MAP4K5: variants seen among roughly 807,000 people sequenced by gnomAD.
MAP4K5 encodes the protein mitogen-activated protein kinase kinase kinase kinase 5.
In MAP4K5, 82 loss-of-function variants were observed where a neutral mutation model predicts 135.6. The ratio of observed to expected loss-of-function variants is 0.60; its 90% CI spans 0.51 to 0.73. The LOEUF is 0.73. MAP4K5 is among the 30% of genes least tolerant of loss of function. The pLI, the probability that MAP4K5 is intolerant of heterozygous loss-of-function variation, is 0.00. For synonymous variants in MAP4K5, 347 were observed against 335.0 expected (o/e 1.04, Z -0.39); for missense variants, 907 against 1,010.9 (o/e 0.90, Z 1.39).
At chr14:50,543,287 A>G (rs1309381175) in intron 1 of MAP4K5, among the ~76,000 whole-genome samples, 2 of 152,254 alleles carry the variant, frequency 1.3e-5, no homozygotes, top group African/African-American at 4.8e-5. Flanking sequence ...AGATCCCAGT[A>G]TGATACTGTT....
chr14:50,480,554 G>A (rs761606846), intron 6 of MAP4K5, among the ~76,000 whole-genome samples: 6 of 152,058 alleles, frequency 3.9e-5, no homozygotes, highest in Non-Finnish European at 8.8e-5. Context: ...AAGAACATGT[G>A]ATGTTTGTCT....
At chr14:50,455,261 T>C (rs547246126) in intron 14 of MAP4K5, among the ~76,000 whole-genome samples, 16 of 151,680 alleles carry the variant, frequency 1.1e-4, no homozygotes, top group African/African-American at 2.9e-4. Context: ...GAAGAAACAA[T>C]AGGAAAATTA....
chr14:50,464,993 C>T (rs1348717932), intron 11 of MAP4K5, among the ~76,000 whole-genome samples: 3 of 152,164 alleles, frequency 2.0e-5, no homozygotes, highest in East Asian at 3.8e-4. Context: ...GCCGTAAAAC[C>T]GTTCAGTTCC....
At chr14:50,510,145 G>T (rs540731362) in intron 2 of MAP4K5, among the ~76,000 whole-genome samples, 1 of 152,098 alleles carries the variant, frequency 6.6e-6, no homozygotes, top group Admixed American at 6.5e-5. Context: ...TTACTTTGAG[G>T]AACCAAAAGA....
chr14:50,545,954 C>T (rs765962675), intron 1 of MAP4K5, among the ~76,000 whole-genome samples: 1 of 152,166 alleles, frequency 6.6e-6, no homozygotes, highest in African/African-American at 2.4e-5. Flanking sequence ...CTGAAGCTCT[C>T]TATTTCTCTC....
intron 2 of MAP4K5, among the ~76,000 whole-genome samples, chr14:50,509,154 T>A (rs1305049899): frequency 6.6e-6 from 1 of 151,580 alleles, no homozygotes; most frequent in Non-Finnish European, 1.5e-5. Flanking sequence ...ACACCACATA[T>A]TCTCACTCAT....
intron 2 of MAP4K5, among the ~76,000 whole-genome samples, chr14:50,509,252 G>A (rs535644844): frequency 6.6e-5 from 10 of 152,090 alleles, no homozygotes; most frequent in Middle Eastern, 3.4e-3. Context: ...GGCAGGGGGA[G>A]GGATAGCATT....
intron 28 of MAP4K5, among the ~76,000 whole-genome samples, chr14:50,434,172 G>GA (rs1391439403): frequency 6.6e-6 from 1 of 152,106 alleles, no homozygotes; most frequent in Admixed American, 6.6e-5. Flanking sequence ...TCACTGTCAG[G>GA]AATCATTAAA....
At position 50,418,727 on chromosome 14, in the gene MAP4K5, T is replaced by C. The variant is rs2035658846; in HGVS notation, c.*1292A>G. The C allele has an allele frequency of 6.6e-6, 1 of 152,280 alleles. No homozygotes were observed. Among genetic ancestry groups the C allele is most frequent in the Admixed American group, 6.5e-5 (1 of 15,280 alleles). The allele number at this position is 152,280 out of a possible 1,614,324, so 9.4% of individuals were successfully genotyped here. ...ATACTGAATGAGATACTTATACTGT[T>C]TTCCTCTTAAGTAATTAGTCAAAAT... On this transcript the variant is annotated 3_prime_UTR_variant, in exon 33 of 33. Coordinates refer to ENST00000682126, the MANE Select transcript of MAP4K5 (RefSeq NM_006575.6).
At chr14:50,470,632 T>C (rs957845666) in intron 9 of MAP4K5, among the ~76,000 whole-genome samples, 1 of 138,954 alleles carries the variant, frequency 7.2e-6, no homozygotes, top group Non-Finnish European at 1.5e-5. Context: ...AGTTCCTGTT[T>C]CACATATTTT....
At chr14:50,467,062 G>T (rs2036849381) in intron 10 of MAP4K5, among the ~76,000 whole-genome samples, 1 of 152,012 alleles carries the variant, frequency 6.6e-6, no homozygotes, top group Non-Finnish European at 1.5e-5. Context: ...TGGGTGTATA[G>T]GCAAATTATA....
chr14:50,522,261 A>G (rs1324759749), intron 2 of MAP4K5, among the ~76,000 whole-genome samples: 1 of 152,030 alleles, frequency 6.6e-6, no homozygotes, highest in Non-Finnish European at 1.5e-5. Flanking sequence ...TGGGGACTAC[A>G]CTAGTGATGC....
chr14:50,465,002 C>A (rs568481409), intron 11 of MAP4K5, among the ~76,000 whole-genome samples: 24 of 152,296 alleles, frequency 1.6e-4, no homozygotes, highest in African/African-American at 4.8e-4. Flanking sequence ...CCGTTCAGTT[C>A]CAGATGTCTA....
intron 3 of MAP4K5, among the ~76,000 whole-genome samples, chr14:50,495,215 C>T (rs1018983403): frequency 4.6e-5 from 7 of 152,084 alleles, no homozygotes; most frequent in Admixed American, 2.6e-4. Context: ...AGAACTCCTA[C>T]GACTCACAAG....
At chr14:50,516,412 A>T (rs2038034540) in intron 2 of MAP4K5, among the ~76,000 whole-genome samples, 1 of 152,222 alleles carries the variant, frequency 6.6e-6, no homozygotes, top group African/African-American at 2.4e-5. Flanking sequence ...CTGCTTAACA[A>T]GAGCTAACCT....
At chr14:50,532,301 G>A (rs1043837562) in intron 1 of MAP4K5, 143 bp from the exon 2 acceptor site, 4 of 430,348 alleles carry the variant, frequency 9.3e-6, no homozygotes, top group Non-Finnish European at 1.6e-5. Context: ...CCGGCGCCCC[G>A]TATCCCCGTT....
At chr14:50,462,543 C>T (rs1177744078) in intron 13 of MAP4K5, 122 bp downstream of exon 13, 10 of 672,366 alleles carry the variant, frequency 1.5e-5, no homozygotes, top group South Asian at 1.2e-4. Context: ...TTATTAATCT[C>T]TGTAGCTAAA....
intron 1 of MAP4K5, among the ~76,000 whole-genome samples, chr14:50,546,393 T>A (rs930691934): frequency 1.3e-5 from 2 of 151,676 alleles, no homozygotes; most frequent in East Asian, 1.9e-4. Context: ...TGTGTGTGTG[T>A]GAGAGAGCAT....
At chr14:50,482,512 C>A in intron 5 of MAP4K5, 96 bp from the exon 6 acceptor site, 1 of 789,286 alleles carries the variant, frequency 1.3e-6, no homozygotes, top group Non-Finnish European at 2.0e-6. Context: ...AGCGCAGTGG[C>A]TCACGCCTGT....
Sources: allele counts gnomAD v4.1 joint callset (sites outside exome capture counted in the v4.1 genomes callset), GRCh38; gene constraint gnomAD v4.1.1; transcripts MANE v1.5; gene names NCBI Gene and HGNC (gene_info 2026-07-23, HGNC 2026-07-21).